Variants in HTN3 observed in about 807,000 individuals in gnomAD.
HTN3 encodes the protein histatin 3, also known as histatin-3.
In HTN3, 15 loss-of-function variants were observed where a neutral mutation model predicts 10.6. The ratio of observed to expected loss-of-function variants is 1.42; its 90% confidence interval spans 0.95 to 2.18. HTN3 has a LOEUF of 2.18. Ranked by LOEUF, HTN3 falls within the 30% of genes most tolerant of loss-of-function variation. HTN3 has a pLI of 0.00. For missense variants in HTN3, 68 were observed against 58.0 expected, an observed-to-expected ratio of 1.17 and a Z score of -0.56; for synonymous variants, 15 against 16.9, an observed-to-expected ratio of 0.89 and a Z score of 0.27.
intron 5 of HTN3, among the ~76,000 whole-genome samples, chr4:70,035,058 G>T (rs1725482090): frequency 1.3e-5 from 2 of 152,102 alleles, no homozygotes; most frequent in Admixed American, 1.3e-4. Context: ...GGTGACAGAA[G>T]GTAACATAGA....
At chr4:70,033,978 G>C (rs375140855) in intron 5 of HTN3, 2 of 151,992 alleles carry the variant, frequency 1.3e-5, no homozygotes, top group African/African-American at 4.8e-5. Context: ...GTCAATAAAT[G>C]GTACTGGGAA....
intron 4 of HTN3, among the ~76,000 whole-genome samples, chr4:70,032,952 A>G (rs1725422779): frequency 6.6e-6 from 1 of 152,166 alleles, no homozygotes; most frequent in Non-Finnish European, 1.5e-5. Context: ...AAAAATATCA[A>G]CACACAGTAA....
At chr4:70,031,877 C>T (rs1046261735) in intron 2 of HTN3, 102 bp from the exon 3 acceptor site, 9 of 788,870 alleles carry the variant, frequency 1.1e-5, no homozygotes, top group Non-Finnish European at 1.9e-5. Context: ...AAGAATGCCT[C>T]CATTCTATTT....
rs186701429 is a variant in HTN3 at position 70,034,968 on chromosome 4, T to C, written c.*34-1299T>C. ...CAGGAACAGAAAACCAAACAGCACATGCTTCACTCATAAGTGGGAGCTGAA... is the reference window on the plus strand; with the variant it reads ...CAGGAACAGAAAACCAAACAGCACACGCTTCACTCATAAGTGGGAGCTGAA... On this transcript the variant is annotated intron_variant, in intron 5 of 5. Coordinates refer to ENST00000673563, the MANE Select transcript of HTN3 (RefSeq NM_000200.3). Among the ~76,000 whole-genome samples, 25 of 152,194 alleles carry C rather than the reference T, an allele frequency of 1.6e-4. No individual in the cohort carries two copies. In the East Asian group the frequency reaches 2.7e-3, roughly 16 times the overall value.
chr4:70,035,804 A>G (rs1725501106), intron 5 of HTN3, among the ~76,000 whole-genome samples: 2 of 152,224 alleles, frequency 1.3e-5, no homozygotes, highest in Admixed American at 1.3e-4. Flanking sequence ...GAAATAGTTC[A>G]AAAGATTTCA....
At chr4:70,030,835 A>G in intron 2 of HTN3, 44 bp downstream of exon 2, 2 of 1,396,316 alleles carry the variant, frequency 1.4e-6, no homozygotes, top group Non-Finnish European at 2.0e-6. Flanking sequence ...CTCAGTACTT[A>G]TCCCAAGGAT....
At chr4:70,029,344 A>T (rs1279648918) in intron 1 of HTN3, among the ~76,000 whole-genome samples, 1 of 151,972 alleles carries the variant, frequency 6.6e-6, no homozygotes, top group East Asian at 1.9e-4. Flanking sequence ...GAAATATATA[A>T]TTTTTATAGT....
At chr4:70,029,671 G>A (rs556759242) in intron 1 of HTN3, among the ~76,000 whole-genome samples, 1 of 152,214 alleles carries the variant, frequency 6.6e-6, no homozygotes, top group East Asian at 1.9e-4. Context: ...TTACATGTTT[G>A]TAATTTAGAA....
At chr4:70,033,450 G>C (rs1435964136) in intron 5 of HTN3, 197 bp downstream of exon 5, 1 of 428,706 alleles carries the variant, frequency 2.3e-6, no homozygotes, top group East Asian at 4.7e-5. Flanking sequence ...TGAGGTCTCT[G>C]TTCTGTTCCA....
In HTN3 at chr4:70,033,978, G is replaced by A. The variant is rs375140855; in HGVS notation, c.*33+725G>A. On this transcript the variant is annotated intron_variant, in intron 5 of 5. Transcript: ENST00000673563. Reference sequence around the variant, plus strand: ...GAAAAGGATCTCCTAGTCAATAAATGGTACTGGGAAAACTGGCTAGCCATA... The same window carrying A: ...GAAAAGGATCTCCTAGTCAATAAATAGTACTGGGAAAACTGGCTAGCCATA... 1.6e-4 allele frequency: 25 copies of A among 152,110 alleles called. No individual in the cohort carries two copies. The East Asian group carries it at 2.7e-3, about 16-fold the overall frequency. 9.4% of individuals were successfully genotyped at this position (152,110 alleles called of 1,614,324 possible).
At chr4:70,035,920 T>A (rs2109711941) in intron 5 of HTN3, among the ~76,000 whole-genome samples, 1 of 152,268 alleles carries the variant, frequency 6.6e-6, no homozygotes, top group South Asian at 2.1e-4. Flanking sequence ...TAATTGCTGA[T>A]GACATTTAAT....
At chr4:70,035,524 C>T (rs1363131715) in intron 5 of HTN3, among the ~76,000 whole-genome samples, 4 of 152,072 alleles carry the variant, frequency 2.6e-5, no homozygotes, top group African/African-American at 4.8e-5. Flanking sequence ...GCTGCACAAC[C>T]GCCATCTGGG....
chr4:70,035,525 G>A (rs773620995), intron 5 of HTN3, among the ~76,000 whole-genome samples: 4 of 152,108 alleles, frequency 2.6e-5, no homozygotes, highest in Non-Finnish European at 5.9e-5. Context: ...CTGCACAACC[G>A]CCATCTGGGA....
intron 2 of HTN3, 55 bp from the exon 3 acceptor site, chr4:70,031,924 T>C: frequency 8.0e-7 from 1 of 1,247,948 alleles, no homozygotes; most frequent in Non-Finnish European, 1.2e-6. Flanking sequence ...TTACACATAT[T>C]CTTGAATTAT....
Position 70,032,123 on chromosome 4 carries a change from A to T in HTN3, c.102+16A>T, listed in dbSNP as rs115176279. 739 of 1,472,054 alleles carry T rather than the reference A, an allele frequency of 5.0e-4. 7 individuals are homozygous for T. The African/African-American group carries it at 9.5e-3, about 19-fold the overall frequency. 91.2% of individuals were successfully genotyped at this position (1,472,054 alleles called of 1,614,324 possible). A position where few individuals can be genotyped will look rare whatever the true frequency, so the allele number is the denominator to read the frequency against. On this transcript the variant is annotated intron_variant, in intron 4 of 5. Coordinates refer to ENST00000673563, the MANE Select transcript of HTN3 (RefSeq NM_000200.3). ...AAAATTCCATGTAAGTGTTCTTCTGATAATGTGCACTCTGAATAAGTTTTC... is the reference window on the plus strand; with the variant it reads ...AAAATTCCATGTAAGTGTTCTTCTGTTAATGTGCACTCTGAATAAGTTTTC...
intron 2 of HTN3, chr4:70,031,344 G>C (rs1356722745): frequency 6.5e-6 from 1 of 153,440 alleles, no homozygotes; most frequent in African/African-American, 2.4e-5. Context: ...AGTAGAAAAG[G>C]CACTTGACCT....
chr4:70,034,352 A>C (rs565234453), intron 5 of HTN3: 23 of 152,314 alleles, frequency 1.5e-4, no homozygotes, highest in African/African-American at 4.3e-4. Context: ...AACTTAAACA[A>C]ATTTACAAGA....
Position 70,033,230 on chromosome 4 carries a change from T to A in HTN3, c.*10T>A. ...TCTGTATGACAATTGATATCTTCAG[T>A]AATCACGGGGCATGATTATGGAGGT... is the stretch of plus-strand genomic sequence containing the variant. On this transcript the variant is annotated 3_prime_UTR_variant, in exon 5 of 6. Coordinates refer to ENST00000673563, the MANE Select transcript of HTN3 (RefSeq NM_000200.3). 1 of 1,556,294 alleles carries A rather than the reference T, an allele frequency of 6.4e-7. No homozygotes were observed. The highest frequency in any genetic ancestry group is 8.8e-7 in the Non-Finnish European group (1 of 1,132,202).
intron 1 of HTN3, among the ~76,000 whole-genome samples, chr4:70,029,715 G>A (rs542402109): frequency 1.8e-4 from 27 of 148,116 alleles, no homozygotes; most frequent in South Asian, 4.1e-4. Context: ...TATATCAGCC[G>A]AAGAACTGGA....
Sources: allele counts gnomAD v4.1 joint callset (sites outside exome capture counted in the v4.1 genomes callset), GRCh38; gene constraint gnomAD v4.1.1; transcripts MANE v1.5; gene names NCBI Gene and HGNC (gene_info 2026-07-23, HGNC 2026-07-21).